The following DYSF variants were observed in gnomAD, a reference collection of about 807,000 sequenced individuals.
DYSF encodes dystrophy-associated fer-1-like 1.
A neutral mutation model predicts 274.9 loss-of-function variants in DYSF; 212 were observed. That is an observed-to-expected ratio of 0.77 (90% CI 0.69 to 0.86). The LOEUF is 0.86. DYSF is among the 40% of genes least tolerant of loss of function. The pLI is 0.00. For synonymous variants in DYSF, 1,091 were observed against 1,078.7 expected (o/e 1.01, Z -0.22); for missense variants, 2,666 against 2,783.2 (o/e 0.96, Z 0.95).
intron 3 of DYSF, among the ~76,000 whole-genome samples, chr2:71,490,702 T>A (rs932697202): frequency 1.3e-5 from 2 of 152,242 alleles, no homozygotes; most frequent in African/African-American, 4.8e-5. Flanking sequence ...CATTTACTTA[T>A]ACAAAAATGG....
At chr2:71,679,512 TGA>T (rs1184229182) in intron 53 of DYSF, among the ~76,000 whole-genome samples, 2 of 152,122 alleles carry the variant, frequency 1.3e-5, no homozygotes, top group Non-Finnish European at 2.9e-5. Flanking sequence ...GCTTTAATAG[TGA>T]CCTGTGTCCT....
intron 3 of DYSF, among the ~76,000 whole-genome samples, chr2:71,493,591 C>T (rs2084076657): frequency 6.6e-6 from 1 of 152,070 alleles, no homozygotes; most frequent in African/African-American, 2.4e-5. Context: ...CTGGCTCACG[C>T]CTGTAATACC....
intron 19 of DYSF, 116 bp downstream of exon 19, chr2:71,551,836 T>C: frequency 1.2e-6 from 1 of 809,554 alleles, no homozygotes; most frequent in Non-Finnish European, 2.0e-6. Flanking sequence ...CCCACACGCA[T>C]CGTGCCTTTA....
intron 33 of DYSF, 138 bp downstream of exon 33, chr2:71,598,883 TTA>T: frequency 1.0e-6 from 1 of 993,798 alleles, no homozygotes; most frequent in Non-Finnish European, 1.5e-6. Flanking sequence ...TAAAATAATT[TTA>T]GAGTCATTAA....
At chr2:71,670,658 T>C (rs899690801) in intron 51 of DYSF, among the ~76,000 whole-genome samples, 1 of 152,200 alleles carries the variant, frequency 6.6e-6, no homozygotes. Context: ...CAGCATCTGC[T>C]AGTTTAGGTC....
intron 16 of DYSF, 34 bp from the exon 17 acceptor site, chr2:71,539,123 C>T (rs1414416965): frequency 1.9e-6 from 3 of 1,597,788 alleles, no homozygotes; most frequent in Non-Finnish European, 2.6e-6. Flanking sequence ...AGTTCCTTTC[C>T]TGTGTTCAGG....
intron 1 of DYSF, among the ~76,000 whole-genome samples, chr2:71,473,358 G>A (rs1271358210): frequency 2.0e-5 from 3 of 152,174 alleles, no homozygotes; most frequent in Admixed American, 6.6e-5. Flanking sequence ...GGTCTTATGT[G>A]TATTCTAATG....
intron 41 of DYSF, among the ~76,000 whole-genome samples, chr2:71,628,590 T>C (rs529770702): frequency 9.2e-5 from 14 of 152,308 alleles, no homozygotes; most frequent in African/African-American, 3.4e-4. Flanking sequence ...TCAGCACTCT[T>C]TTCTGGCTTC....
chr2:71,511,411 A>G (rs992504325), intron 4 of DYSF, among the ~76,000 whole-genome samples: 1 of 152,176 alleles, frequency 6.6e-6, no homozygotes, highest in East Asian at 1.9e-4. Context: ...TAGTGGGAAA[A>G]ATCCTGCAGG....
intron 2 of DYSF, among the ~76,000 whole-genome samples, chr2:71,481,433 A>C (rs2082885145): frequency 6.6e-6 from 1 of 152,174 alleles, no homozygotes; most frequent in Non-Finnish European, 1.5e-5. Context: ...CTTTGCTCTG[A>C]GGAGGGTCAT....
chr2:71,606,271 G>C (rs868232784), intron 36 of DYSF, among the ~76,000 whole-genome samples: 1 of 152,106 alleles, frequency 6.6e-6, no homozygotes, highest in African/African-American at 2.4e-5. Flanking sequence ...GTCTGGGCTG[G>C]CTTGATCAAC....
At chr2:71,640,864 C>T (rs1430737107) in intron 41 of DYSF, among the ~76,000 whole-genome samples, 1 of 152,182 alleles carries the variant, frequency 6.6e-6, no homozygotes, top group East Asian at 1.9e-4. Flanking sequence ...TTGCAACACT[C>T]ATAGAATTTT....
intron 33 of DYSF, 44 bp downstream of exon 33, chr2:71,598,789 C>A: frequency 6.2e-7 from 1 of 1,601,614 alleles, no homozygotes; most frequent in Non-Finnish European, 8.5e-7. Flanking sequence ...CAGGGAGGGA[C>A]CATGTGCAAA....
At chr2:71,584,785 G>A (rs2093010532) in intron 30 of DYSF, among the ~76,000 whole-genome samples, 1 of 152,208 alleles carries the variant, frequency 6.6e-6, no homozygotes, top group Admixed American at 6.5e-5. Context: ...CTGAAGGCTG[G>A]GCAGCCAAGG....
intron 3 of DYSF, among the ~76,000 whole-genome samples, chr2:71,485,492 G>T (rs1296206804): frequency 6.6e-6 from 1 of 152,212 alleles, no homozygotes; most frequent in African/African-American, 2.4e-5. Context: ...GGAAGCAGAG[G>T]TTGCAGTGAG....
intron 41 of DYSF, among the ~76,000 whole-genome samples, chr2:71,635,552 A>G (rs2094386290): frequency 6.6e-6 from 1 of 152,136 alleles, no homozygotes; most frequent in African/African-American, 2.4e-5. Context: ...GTTTGAAACC[A>G]GCCTGGCCAA....
At chr2:71,655,547 A>G (rs1389114982) in intron 42 of DYSF, among the ~76,000 whole-genome samples, 3 of 152,256 alleles carry the variant, frequency 2.0e-5, no homozygotes, top group African/African-American at 7.2e-5. Flanking sequence ...CTGCTTTAAC[A>G]AATAATAATC....
chr2:71,653,215 C>A (rs2094698406), intron 42 of DYSF, among the ~76,000 whole-genome samples: 1 of 152,142 alleles, frequency 6.6e-6, no homozygotes, highest in Non-Finnish European at 1.5e-5. Context: ...GTTGGTGGGA[C>A]TGTAAACTAG....
intron 4 of DYSF, among the ~76,000 whole-genome samples, chr2:71,511,347 A>G (rs1336935536): frequency 2.0e-5 from 3 of 152,224 alleles, no homozygotes; most frequent in African/African-American, 7.2e-5. Context: ...GGGGCAAGCC[A>G]TTGACTGAGC....
Sources: gnomAD v4.1 joint callset for allele counts (sites outside exome capture counted in the v4.1 genomes callset) on GRCh38, gnomAD v4.1.1 for gene constraint, MANE v1.5 for transcripts, NCBI Gene and HGNC (gene_info 2026-07-23, HGNC 2026-07-21) for gene names.